The following CTNNA3 variants were observed in gnomAD, a reference collection of about 807,000 sequenced individuals.
CTNNA3 encodes catenin alpha 3, also known as catenin alpha-3.
CTNNA3 carries 76 observed loss-of-function variants against 95.7 expected under a neutral mutation model. The ratio of observed to expected loss-of-function variants is 0.79; its 90% CI spans 0.66 to 0.96. CTNNA3 has a LOEUF of 0.96. CTNNA3 is among the 40% of genes least tolerant of loss of function. CTNNA3 has a pLI of 0.00. For missense variants in CTNNA3, 1,191 were observed against 1,089.8 expected, an observed-to-expected ratio of 1.09 and a Z score of -1.31; for synonymous variants, 431 against 374.4, an observed-to-expected ratio of 1.15 and a Z score of -1.74.
chr10:66,664,732 G>GA (rs1564604306), intron 9 of CTNNA3, among the ~76,000 whole-genome samples: 1 of 151,680 alleles, frequency 6.6e-6, no homozygotes, highest in African/African-American at 2.4e-5. Flanking sequence ...AATCCCATGG[G>GA]AAAAAAATCT....
chr10:66,012,543 A>G (rs1445365978), intron 15 of CTNNA3, among the ~76,000 whole-genome samples: 1 of 152,246 alleles, frequency 6.6e-6, no homozygotes, highest in Non-Finnish European at 1.5e-5. Context: ...ACTAAGTAAA[A>G]TGAGACAACT....
intron 7 of CTNNA3, among the ~76,000 whole-genome samples, chr10:66,935,086 T>G (rs1024798227): frequency 2.0e-5 from 3 of 152,086 alleles, no homozygotes; most frequent in South Asian, 2.1e-4. Context: ...TATTGATCTA[T>G]GTACTTTCTA....
intron 7 of CTNNA3, among the ~76,000 whole-genome samples, chr10:66,874,459 T>C (rs547416931): frequency 6.6e-6 from 1 of 152,320 alleles, no homozygotes; most frequent in South Asian, 2.1e-4. Flanking sequence ...CCTACTGCAG[T>C]ACCTATGCAA....
In CTNNA3 at chr10:66,756,312, C is replaced by T. The variant is rs59729585; in HGVS notation, c.1281+9952G>A. 3.4e-3 allele frequency among the ~76,000 whole-genome samples: 523 copies of T among 152,216 alleles called. 1 individual carries two copies. Among genetic ancestry groups the T allele is most frequent in the African/African-American group, 0.012 (498 of 41,548 alleles). On this transcript the variant is annotated intron_variant, in intron 9 of 17. Coordinates refer to ENST00000433211, the MANE Select transcript of CTNNA3 (RefSeq NM_013266.4). ...AGGATGTTTCACTTTTATATTGGAA[C>T]GCCATATATAATTTCATAAAAATGT...
intron 5 of CTNNA3, among the ~76,000 whole-genome samples, chr10:67,399,443 A>G (rs1844838287): frequency 1.3e-5 from 2 of 152,220 alleles, no homozygotes; most frequent in Admixed American, 1.3e-4. Context: ...GTAATCAAAT[A>G]AAATTTGCAG....
chr10:67,382,626 T>A (rs1253065642), intron 5 of CTNNA3, among the ~76,000 whole-genome samples: 1 of 152,186 alleles, frequency 6.6e-6, no homozygotes, highest in East Asian at 1.9e-4. Flanking sequence ...TATACATGTA[T>A]GTGTATATGC....
chr10:66,967,468 G>T (rs1396961988), intron 7 of CTNNA3, among the ~76,000 whole-genome samples: 2 of 151,098 alleles, frequency 1.3e-5, no homozygotes, highest in Admixed American at 1.3e-4. Context: ...AATCAATAAT[G>T]GTCCCATCTG....
chr10:66,863,868 T>C (rs1368531031), intron 7 of CTNNA3, among the ~76,000 whole-genome samples: 3 of 152,084 alleles, frequency 2.0e-5, no homozygotes, highest in Admixed American at 6.6e-5. Flanking sequence ...CTCACATAGT[T>C]GGTAAGAAAT....
intron 2 of CTNNA3, among the ~76,000 whole-genome samples, chr10:67,627,383 G>A (rs1262874852): frequency 6.6e-6 from 1 of 152,164 alleles, no homozygotes; most frequent in Non-Finnish European, 1.5e-5. Context: ...ACAATGGGGA[G>A]GGACCTGTGT....
At chr10:66,522,709 T>C (rs1841109721) in intron 10 of CTNNA3, among the ~76,000 whole-genome samples, 1 of 151,640 alleles carries the variant, frequency 6.6e-6, no homozygotes, top group African/African-American at 2.4e-5. Context: ...CAGACTAATA[T>C]AGGGCTCTTT....
At chr10:67,680,136 G>T (rs1366043352) in intron 1 of CTNNA3, among the ~76,000 whole-genome samples, 1 of 152,158 alleles carries the variant, frequency 6.6e-6, no homozygotes, top group African/African-American at 2.4e-5. Context: ...CATGGCTCAG[G>T]CCCCAAGCAA....
chr10:66,889,158 G>A (rs1845160772), intron 7 of CTNNA3, among the ~76,000 whole-genome samples: 1 of 152,188 alleles, frequency 6.6e-6, no homozygotes, highest in South Asian at 2.1e-4. Flanking sequence ...TAACGTTCTT[G>A]GAAATACAAA....
At chr10:65,928,013 G>C (rs73304097) in intron 17 of CTNNA3, among the ~76,000 whole-genome samples, 3,187 of 152,248 alleles carry the variant, frequency 0.021, 49 homozygotes, top group African/African-American at 0.04. Context: ...AGCATAAAGA[G>C]AAATGTCACT....
At chr10:66,210,281 A>G (rs2088056353) in intron 13 of CTNNA3, among the ~76,000 whole-genome samples, 2 of 151,250 alleles carry the variant, frequency 1.3e-5, no homozygotes, top group Admixed American at 6.6e-5. Context: ...AAAAATGGCA[A>G]TGATAGTGGA....
chr10:67,229,368 A>C (rs1486520107), intron 5 of CTNNA3, among the ~76,000 whole-genome samples: 2 of 152,024 alleles, frequency 1.3e-5, no homozygotes, highest in East Asian at 3.9e-4. Flanking sequence ...ATTATACTGA[A>C]TGGGGAAAAG....
At chr10:66,570,370 C>T (rs1247458083) in intron 10 of CTNNA3, among the ~76,000 whole-genome samples, 1 of 152,066 alleles carries the variant, frequency 6.6e-6, no homozygotes, top group East Asian at 1.9e-4. Flanking sequence ...CTCACTGCAA[C>T]CTCTGCCTCC....
At chr10:66,705,918 T>C (rs1848101716) in intron 9 of CTNNA3, among the ~76,000 whole-genome samples, 1 of 152,068 alleles carries the variant, frequency 6.6e-6, no homozygotes, top group Non-Finnish European at 1.5e-5. Context: ...AGCAACACAA[T>C]TCTCCTAGAC....
chr10:66,384,940 C>A (rs1032818237), intron 11 of CTNNA3, among the ~76,000 whole-genome samples: 1 of 152,174 alleles, frequency 6.6e-6, no homozygotes, highest in African/African-American at 2.4e-5. Context: ...ACATTTAAAG[C>A]AGTGTGTAGA....
chr10:66,469,363 A>G (rs1399992257), intron 11 of CTNNA3, among the ~76,000 whole-genome samples: 2 of 151,898 alleles, frequency 1.3e-5, no homozygotes, highest in African/African-American at 4.8e-5. Flanking sequence ...GGTAGAGAAT[A>G]AGCAGAGGTC....
Sources: allele counts gnomAD v4.1 joint callset (sites outside exome capture counted in the v4.1 genomes callset), GRCh38; gene constraint gnomAD v4.1.1; transcripts MANE v1.5; gene names NCBI Gene and HGNC (gene_info 2026-07-23, HGNC 2026-07-21).